The following CALB2 variants were observed in gnomAD, a reference collection of about 807,000 sequenced individuals.
CALB2 encodes the protein calbindin 2.
In CALB2, 34 loss-of-function variants were observed where a neutral mutation model predicts 45.9. The ratio of observed to expected loss-of-function variants is 0.74; its 90% CI spans 0.56 to 0.99. CALB2 has a LOEUF of 0.99. Among genes scored for constraint, CALB2 ranks in the 50% least tolerant of loss-of-function variants. The pLI, the probability that CALB2 is intolerant of heterozygous loss-of-function variation, is 0.00. For synonymous variants in CALB2, 142 were observed against 129.6 expected, an observed-to-expected ratio of 1.10 and a Z score of -0.65; for missense variants, 344 against 339.3, an observed-to-expected ratio of 1.01 and a Z score of -0.11.
chr16:71,361,642 G>A (rs1490406371), intron 1 of CALB2, among the ~76,000 whole-genome samples: 1 of 152,138 alleles, frequency 6.6e-6, no homozygotes, highest in Non-Finnish European at 1.5e-5. Flanking sequence ...GATGCTGGCT[G>A]GTAGTAAACA....
rs868340522 is a variant in CALB2 at position 71,383,427 on chromosome 16, G to A, written c.460G>A (p.Glu154Lys). The A allele has an allele frequency of 6.2e-7, 1 of 1,614,084 alleles. No homozygotes were observed. Among genetic ancestry groups the A allele is most frequent in the Non-Finnish European group, 8.5e-7 (1 of 1,179,974 alleles). ...NRPYDEPKLQ[E>K]YTQTILRMFD... ...GCCGTACGATGAGCCCAAGCTCCAG[G>A]AATACACCCAAACCATAGTGAGTGA... Residue 154 changes from glutamate to lysine, a missense_variant, in exon 6 of 11, where the codon GAA becomes AAA. Physicochemically the swap from Glu to Lys is moderately conservative, Grantham distance 56 (BLOSUM62 1). Transcript: ENST00000302628.
chr16:71,384,222 T>C (rs896959451), intron 7 of CALB2, 117 bp from the exon 8 acceptor site: 9 of 1,011,942 alleles, frequency 8.9e-6, no homozygotes, highest in Admixed American at 3.4e-5. Flanking sequence ...TGATTCATTA[T>C]GTGTGAAGTG....
chr16:71,388,745 T>G (rs2042600380), intron 10 of CALB2, among the ~76,000 whole-genome samples: 2 of 146,964 alleles, frequency 1.4e-5, no homozygotes, highest in South Asian at 4.3e-4. Context: ...CTTTGGGAGG[T>G]GGAGGCGGGC....
chr16:71,366,324 C>CTTTTTT (rs1242997452), intron 1 of CALB2, among the ~76,000 whole-genome samples: 1 of 46,158 alleles, frequency 2.2e-5, no homozygotes. Context: ...AGTGCCTGGC[C>CTTTTTT]TTTTTTTTTT....
chr16:71,385,282 TTAAA>T (rs2042557741), intron 9 of CALB2: 1 of 377,396 alleles, frequency 2.6e-6, no homozygotes, highest in Admixed American at 4.1e-5. Context: ...GAGGTAAACT[TTAAA>T]TAGCCCCCGG....
rs117065591 is a variant in CALB2 at position 71,385,080 on chromosome 16, A to G, written c.627+244A>G. On this transcript the variant is annotated intron_variant, in intron 9 of 10. Transcript: ENST00000302628. ...TCGTTGGGGGAGGACTATGCTTAGA[A>G]CTAGGGTGTGACCACGCTGTCGGGA... Among the ~76,000 whole-genome samples the G allele has an allele frequency of 3.0e-4, 46 of 152,274 alleles. 1 individual carries two copies. In the East Asian group the frequency reaches 6.2e-3, roughly 21 times the overall value.
intron 4 of CALB2, among the ~76,000 whole-genome samples, chr16:71,382,006 C>T (rs1430705110): frequency 1.7e-5 from 2 of 115,012 alleles, no homozygotes; most frequent in East Asian, 6.3e-4. Context: ...GAGTGAGACC[C>T]TGTCTCAAAA....
chr16:71,389,566 AAG>A (rs769491783), intron 10 of CALB2, 181 bp from the exon 11 acceptor site: 2 of 744,482 alleles, frequency 2.7e-6, no homozygotes, highest in South Asian at 1.4e-5. Context: ...CAGTAAGTGA[AAG>A]AGAGGCTTTA....
intron 1 of CALB2, among the ~76,000 whole-genome samples, chr16:71,361,070 C>T (rs2042233988): frequency 6.6e-6 from 1 of 152,166 alleles, no homozygotes; most frequent in Non-Finnish European, 1.5e-5. Flanking sequence ...CCACCAAACC[C>T]ATGATCTTCA....
intron 2 of CALB2, among the ~76,000 whole-genome samples, chr16:71,374,222 G>T (rs910001297): frequency 6.6e-6 from 1 of 152,188 alleles, no homozygotes; most frequent in Non-Finnish European, 1.5e-5. Flanking sequence ...TCGGCTACAT[G>T]ATGACCTCCT....
At chr16:71,378,233 A>G (rs1375414954) in intron 4 of CALB2, among the ~76,000 whole-genome samples, 1 of 151,734 alleles carries the variant, frequency 6.6e-6, no homozygotes, top group Non-Finnish European at 1.5e-5. Context: ...TCAAAAAAAG[A>G]AAGAAAGAAA....
chr16:71,380,762 G>T (rs2042481873), intron 4 of CALB2, among the ~76,000 whole-genome samples: 1 of 152,054 alleles, frequency 6.6e-6, no homozygotes, highest in East Asian at 1.9e-4. Flanking sequence ...ATTTTTACCA[G>T]CCAGAAGCCT....
chr16:71,384,794 G>A lies in CALB2; in HGVS notation c.585G>A (p.Leu195=), dbSNP rs143688092. The A allele has an allele frequency of 1.1e-4, 176 of 1,546,036 alleles. No homozygotes were observed. Among genetic ancestry groups the A allele is most frequent in the Non-Finnish European group, 1.4e-4 (155 of 1,145,854 alleles). The change falls in exon 9 of 11, where the codon CTG becomes CTA. Residue 195 remains leucine (L), a synonymous_variant. Coordinates refer to ENST00000302628, the MANE Select transcript of CALB2 (RefSeq NM_001740.5). ...NFLLKFQGMK[L]TSEEFNAIFT... ...CCTGGTTCTTGCAGGGCATGAAGCTGACCTCAGAGGAGTTTAACGCGATCT... is the reference window on the plus strand; with the variant it reads ...CCTGGTTCTTGCAGGGCATGAAGCTAACCTCAGAGGAGTTTAACGCGATCT...
intron 1 of CALB2, among the ~76,000 whole-genome samples, chr16:71,370,480 G>GT (rs1380528603): frequency 6.7e-6 from 1 of 149,622 alleles, no homozygotes; most frequent in African/African-American, 2.5e-5. Flanking sequence ...ACCTGGGAGT[G>GT]TTAAAAAAAA....
chr16:71,360,130 A>G (rs1001473190), intron 1 of CALB2, among the ~76,000 whole-genome samples: 5 of 152,218 alleles, frequency 3.3e-5, no homozygotes, highest in African/African-American at 1.2e-4. Flanking sequence ...GATGGAAAAC[A>G]GAGGGGCATC....
chr16:71,359,928 C>A (rs1448955669), intron 1 of CALB2, among the ~76,000 whole-genome samples: 1 of 152,240 alleles, frequency 6.6e-6, no homozygotes, highest in Non-Finnish European at 1.5e-5. Context: ...GAGGGGCTGA[C>A]CCCAAAGGGA....
In CALB2 at chr16:71,362,016, G is replaced by A. The variant is rs560145585; in HGVS notation, c.94+3130G>A. Among the ~76,000 whole-genome samples the A allele has an allele frequency of 1.3e-5, 2 of 152,198 alleles. 1 individual carries two copies. The highest frequency in any genetic ancestry group is 4.1e-4 in the South Asian group (2 of 4,826). On this transcript the variant is annotated intron_variant, in intron 1 of 10. Transcript: ENST00000302628. ...ATGTTGTCTCTCAAAGGCTGAGGTA[G>A]GGAAGATGACAGCCAAGCCCACCCA...
intron 1 of CALB2, among the ~76,000 whole-genome samples, chr16:71,371,674 A>G (rs2042352624): frequency 1.3e-5 from 2 of 152,084 alleles, no homozygotes; most frequent in South Asian, 4.2e-4. Flanking sequence ...TTTAGGGCCC[A>G]CCCCAATCCA....
chr16:71,373,246 T>C (rs937794818), intron 2 of CALB2, among the ~76,000 whole-genome samples: 1 of 152,124 alleles, frequency 6.6e-6, no homozygotes, highest in Non-Finnish European at 1.5e-5. Flanking sequence ...ATCCACTGTT[T>C]ATTTGCAGCT....
Sources: gnomAD v4.1 joint callset for allele counts (sites outside exome capture counted in the v4.1 genomes callset) on GRCh38, gnomAD v4.1.1 for gene constraint, MANE v1.5 for transcripts, NCBI Gene and HGNC (gene_info 2026-07-23, HGNC 2026-07-21) for gene names.